The following ITGB5 variants were observed in gnomAD, a reference collection of about 807,000 sequenced individuals.
ITGB5 encodes the protein integrin beta-5.
In ITGB5, 38 loss-of-function variants were observed where a neutral mutation model predicts 84.8. The observed-to-expected ratio is 0.45, with a 90% CI of 0.35 to 0.59. ITGB5 has a LOEUF of 0.59. Among genes scored for constraint, ITGB5 ranks in the 20% least tolerant of loss-of-function variants. The pLI, the probability that ITGB5 is intolerant of heterozygous loss-of-function variation, is 0.01. For synonymous variants in ITGB5, 393 were observed against 414.4 expected (o/e 0.95, Z 0.63); for missense variants, 905 against 1,034.5 (o/e 0.87, Z 1.72).
chr3:124,878,473 C>G (rs1934425415), intron 1 of ITGB5: 1 of 152,228 alleles, frequency 6.6e-6, no homozygotes, highest in African/African-American at 2.4e-5. Flanking sequence ...CGTTTGTACT[C>G]AAAATGATTG....
intron 1 of ITGB5, among the ~76,000 whole-genome samples, chr3:124,895,882 C>T (rs1486848985): frequency 6.6e-6 from 1 of 152,182 alleles, no homozygotes; most frequent in Non-Finnish European, 1.5e-5. Flanking sequence ...ATTAGCTGAG[C>T]AACCGTGCAA....
rs2064223834 is a variant in ITGB5, at chr3:124,796,387, C to T, written c.1693+1G>A. On this transcript the variant is annotated splice_donor_variant, in intron 10 of 14. Transcript: ENST00000296181. LOFTEE classifies it high-confidence loss of function. The stretch of plus-strand genomic sequence containing the variant: ...CTAAAGTGCTTGCTGGGGACACTTA[C>T]CTGAGCAGAGGACTCCCTTGTTCCT... The T allele has an allele frequency of 6.2e-7, 1 of 1,602,742 alleles. No individual in the cohort carries two copies. The highest frequency in any genetic ancestry group is 1.3e-5 in the African/African-American group (1 of 74,788).
chr3:124,820,288 C>G (rs1030233017), intron 6 of ITGB5, among the ~76,000 whole-genome samples: 2 of 152,216 alleles, frequency 1.3e-5, no homozygotes, highest in East Asian at 1.9e-4. Context: ...AAGCTTAGGT[C>G]TGCCAACATC....
chr3:124,807,653 G>A (rs1399617453), intron 9 of ITGB5, among the ~76,000 whole-genome samples: 2 of 151,816 alleles, frequency 1.3e-5, no homozygotes, highest in Non-Finnish European at 1.5e-5. Flanking sequence ...AAGGGTAAGA[G>A]GTATGTCTGT....
chr3:124,798,640 G>GGTCTCAAACTGCTGGCCAGGCTT (rs1280307907), intron 9 of ITGB5, among the ~76,000 whole-genome samples: 1 of 152,134 alleles, frequency 6.6e-6, no homozygotes, highest in Non-Finnish European at 1.5e-5. Flanking sequence ...TGGCCAGGCT[G>GGTCTCAAACTGCTGGCCAGGCTT]GTCTCAAACT....
intron 9 of ITGB5, 31 bp downstream of exon 9, chr3:124,808,991 A>G (rs962379056): frequency 3.1e-6 from 5 of 1,607,790 alleles, no homozygotes; most frequent in Non-Finnish European, 3.4e-6. Context: ...AATGCTAACA[A>G]GAGTTCATAC....
intron 8 of ITGB5, among the ~76,000 whole-genome samples, chr3:124,810,251 G>T (rs995375823): frequency 6.6e-6 from 1 of 152,150 alleles, no homozygotes; most frequent in African/African-American, 2.4e-5. Context: ...AGAGACAAAG[G>T]CATATATATT....
At position 124,774,694 on chromosome 3, in the gene ITGB5, C is replaced by T. The variant is rs552768487; in HGVS notation, c.1694-782G>A. 9.6e-4 allele frequency among the ~76,000 whole-genome samples: 146 copies of T among 152,294 alleles called. 1 individual carries two copies. The highest frequency in any genetic ancestry group is 3.1e-3 in the African/African-American group (129 of 41,544). On this transcript the variant is annotated intron_variant, in intron 10 of 14. Coordinates refer to ENST00000296181, the MANE Select transcript of ITGB5 (RefSeq NM_002213.5). ...TCTGTTACAGCCATAGCAGAAAACA[C>T]GGTTGTTCTCCCTGAGTCCTAGTTA...
chr3:124,828,749 C>T (rs897585397), intron 5 of ITGB5, among the ~76,000 whole-genome samples: 1 of 152,206 alleles, frequency 6.6e-6, no homozygotes, highest in African/African-American at 2.4e-5. Flanking sequence ...TCCCAAAGTG[C>T]TGGGATTACA....
intron 5 of ITGB5, among the ~76,000 whole-genome samples, chr3:124,825,418 T>G (rs1214425374): frequency 6.6e-6 from 1 of 152,196 alleles, no homozygotes; most frequent in Admixed American, 6.5e-5. Context: ...AAAATGTTAT[T>G]TGCAATCATC....
intron 10 of ITGB5, among the ~76,000 whole-genome samples, chr3:124,780,241 C>T (rs2063984929): frequency 7.3e-6 from 1 of 136,890 alleles, no homozygotes; most frequent in African/African-American, 3.3e-5. Flanking sequence ...CATTCACCCC[C>T]AAACGCCACT....
intron 9 of ITGB5, among the ~76,000 whole-genome samples, chr3:124,801,465 A>T (rs1395293295): frequency 6.6e-6 from 1 of 152,074 alleles, no homozygotes; most frequent in Non-Finnish European, 1.5e-5. Context: ...GACCCAGAGC[A>T]CACAGGGTTG....
At chr3:124,786,191 C>T (rs11708547) in intron 10 of ITGB5, among the ~76,000 whole-genome samples, 2,041 of 152,266 alleles carry the variant, frequency 0.013, 35 homozygotes, top group South Asian at 0.045. Context: ...CACTAACAAA[C>T]GAGCCTGTTT....
At chr3:124,867,374 A>G (rs1227854381) in intron 2 of ITGB5, among the ~76,000 whole-genome samples, 1 of 152,090 alleles carries the variant, frequency 6.6e-6, no homozygotes, top group African/African-American at 2.4e-5. Context: ...CAGCCACACC[A>G]TTTCACGGAG....
chr3:124,867,797 G>A (rs1422494507), intron 2 of ITGB5, among the ~76,000 whole-genome samples: 1 of 152,110 alleles, frequency 6.6e-6, no homozygotes, highest in African/African-American at 2.4e-5. Context: ...AATGTTAGAG[G>A]GGAAACAAAA....
chr3:124,790,663 G>A (rs1304516993), intron 10 of ITGB5, among the ~76,000 whole-genome samples: 1 of 152,058 alleles, frequency 6.6e-6, no homozygotes, highest in Non-Finnish European at 1.5e-5. Flanking sequence ...TTGGATGCTG[G>A]CCCTGGCCTG....
At chr3:124,777,010 C>G (rs576379989) in intron 10 of ITGB5, among the ~76,000 whole-genome samples, 240 of 152,278 alleles carry the variant, frequency 1.6e-3, no homozygotes, top group African/African-American at 5.6e-3. Context: ...GGCTGGGGGG[C>G]AGGGAAGCCT....
At chr3:124,782,881 TGTG>T (rs2064024631) in intron 10 of ITGB5, among the ~76,000 whole-genome samples, 1 of 149,690 alleles carries the variant, frequency 6.7e-6, no homozygotes, top group Non-Finnish European at 1.5e-5. Flanking sequence ...AAAAAAAAAA[TGTG>T]GTTGTGAATA....
chr3:124,824,521 AC>A (rs869038362), intron 5 of ITGB5, among the ~76,000 whole-genome samples: 1 of 139,836 alleles, frequency 7.2e-6, no homozygotes, highest in African/African-American at 2.8e-5. Flanking sequence ...AAGTTGATGA[AC>A]TGGGCTTCAT....
Sources: gnomAD v4.1 joint callset for allele counts (sites outside exome capture counted in the v4.1 genomes callset) on GRCh38, gnomAD v4.1.1 for gene constraint, MANE v1.5 for transcripts, NCBI Gene and HGNC (gene_info 2026-07-23, HGNC 2026-07-21) for gene names.